Variants in TBC1D12 observed in about 807,000 individuals in gnomAD.
TBC1D12 encodes the protein TBC1 domain family member 12, also known as TBC1 domain family, member 12.
In TBC1D12, 56 loss-of-function variants were observed where a neutral mutation model predicts 86.7. The ratio of observed to expected loss-of-function variants is 0.65; its 90% CI spans 0.52 to 0.81. The LOEUF (loss-of-function observed/expected upper bound fraction) is 0.81, where lower values mean the gene tolerates loss of function less well. TBC1D12 is among the 30% of genes least tolerant of loss of function. The probability of loss-of-function intolerance (pLI) is 0.00; values close to 1 mark genes in which losing one functional copy is unlikely to be tolerated. For missense variants in TBC1D12, 1,023 were observed against 1,038.8 expected, an observed-to-expected ratio of 0.98 and a Z score of 0.21; for synonymous variants, 421 against 411.7, an observed-to-expected ratio of 1.02 and a Z score of -0.27.
chr10:94,440,306 C>A (rs2055361532), intron 1 of TBC1D12, among the ~76,000 whole-genome samples: 1 of 151,898 alleles, frequency 6.6e-6, no homozygotes, highest in African/African-American at 2.4e-5. Flanking sequence ...GTAGCAGGGA[C>A]TACAAGGTGT....
At chr10:94,470,447 C>T (rs1481280997) in intron 2 of TBC1D12, among the ~76,000 whole-genome samples, 1 of 152,100 alleles carries the variant, frequency 6.6e-6, no homozygotes, top group Non-Finnish European at 1.5e-5. Context: ...CCACTGCAGC[C>T]TCCACAACCT....
At chr10:94,427,251 G>A (rs2055159325) in intron 1 of TBC1D12, among the ~76,000 whole-genome samples, 1 of 151,946 alleles carries the variant, frequency 6.6e-6, no homozygotes, top group Admixed American at 6.6e-5. Context: ...TTACCTTCTG[G>A]TGACAAATAT....
chr10:94,459,847 C>T (rs572836320), intron 2 of TBC1D12, among the ~76,000 whole-genome samples: 2 of 152,292 alleles, frequency 1.3e-5, no homozygotes, highest in Admixed American at 1.3e-4. Context: ...CCGTGAGTGC[C>T]GCACGCAGCC....
chr10:94,464,810 A>G (rs1332134348), intron 2 of TBC1D12, among the ~76,000 whole-genome samples: 3 of 152,260 alleles, frequency 2.0e-5, no homozygotes, highest in Non-Finnish European at 4.4e-5. Context: ...TAACAAAAAC[A>G]ACATATTTGT....
intron 12 of TBC1D12, among the ~76,000 whole-genome samples, chr10:94,532,751 T>C (rs937952340): frequency 3.3e-5 from 5 of 152,164 alleles, no homozygotes; most frequent in African/African-American, 1.2e-4. Flanking sequence ...CCATGAATGA[T>C]ATAAACAATT....
At chr10:94,490,005 T>C (rs909229789) in intron 3 of TBC1D12, among the ~76,000 whole-genome samples, 14 of 152,190 alleles carry the variant, frequency 9.2e-5, no homozygotes, top group Admixed American at 2.0e-4. Flanking sequence ...CCCAGAACTT[T>C]GGGAGGCCGG....
intron 3 of TBC1D12, 82 bp downstream of exon 3, chr10:94,474,865 G>C (rs571067861): frequency 1.1e-5 from 14 of 1,242,828 alleles, no homozygotes; most frequent in Admixed American, 2.1e-5. Context: ...AAAAGATAGC[G>C]AGAAAGATAT....
chr10:94,521,888 CAATAA>C, intron 9 of TBC1D12, 62 bp from the exon 10 acceptor site: 1 of 1,356,656 alleles, frequency 7.4e-7, no homozygotes, highest in Non-Finnish European at 9.8e-7. Context: ...TTCAGGAGTA[CAATAA>C]AATAAACTAT....
At chr10:94,522,991 G>A (rs930077675) in intron 11 of TBC1D12, among the ~76,000 whole-genome samples, 1 of 143,280 alleles carries the variant, frequency 7.0e-6, no homozygotes, top group Non-Finnish European at 1.5e-5. Context: ...GTTGCAGTGA[G>A]CCAAGATTGC....
chr10:94,507,370 A>C, intron 7 of TBC1D12, 23 bp downstream of exon 7: 1 of 1,575,460 alleles, frequency 6.3e-7, no homozygotes, highest in Non-Finnish European at 8.6e-7. Context: ...TTTTTAAATA[A>C]GAATTTTAGG....
intron 2 of TBC1D12, among the ~76,000 whole-genome samples, chr10:94,444,044 G>A (rs1589619178): frequency 6.6e-6 from 1 of 151,994 alleles, no homozygotes; most frequent in African/African-American, 2.4e-5. Context: ...GGTGGTGCAT[G>A]CTTATAGTCC....
In TBC1D12 at chr10:94,474,843, G is replaced by T. The variant is rs1312915109; in HGVS notation, c.1211+60G>T. 5 of 1,445,334 alleles carry T rather than the reference G, an allele frequency of 3.5e-6. No homozygotes were observed. The African/African-American group carries it at 7.1e-5, about 21-fold the overall frequency. The allele number at this position is 1,445,334 out of a possible 1,614,324, so 89.5% of individuals were successfully genotyped here. A position where few individuals can be genotyped will look rare whatever the true frequency, so the allele number is the denominator to read the frequency against. On this transcript the variant is annotated intron_variant, in intron 3 of 12. Coordinates refer to ENST00000225235, the MANE Select transcript of TBC1D12 (RefSeq NM_015188.2). The stretch of plus-strand genomic sequence containing the variant: ...ATATTTTAAAGTTAAATTTAATTTT[G>T]TTCACTATTTTAAAAGATAGCGAGA...
At chr10:94,416,462 A>G (rs1209037840) in intron 1 of TBC1D12, among the ~76,000 whole-genome samples, 2 of 152,222 alleles carry the variant, frequency 1.3e-5, no homozygotes, top group Admixed American at 6.5e-5. Context: ...CCCTAGAGCC[A>G]CAAAATACAA....
chr10:94,481,285 TGACTTCTGTCTTGCTTAGAAA>T (rs2056074895), intron 3 of TBC1D12, among the ~76,000 whole-genome samples: 1 of 151,426 alleles, frequency 6.6e-6, no homozygotes, highest in African/African-American at 2.4e-5. Context: ...AAGCAGGCAT[TGACTTCTGTCTTGCTTAGAAA>T]ATACTAGATG....
intron 1 of TBC1D12, among the ~76,000 whole-genome samples, chr10:94,405,907 T>G (rs1000549636): frequency 2.0e-5 from 3 of 151,364 alleles, no homozygotes; most frequent in African/African-American, 7.3e-5. Context: ...CCCCCCTGGG[T>G]TCAAGTGATT....
intron 9 of TBC1D12, among the ~76,000 whole-genome samples, chr10:94,516,785 G>A (rs929988641): frequency 1.3e-5 from 2 of 151,976 alleles, no homozygotes; most frequent in Non-Finnish European, 2.9e-5. Flanking sequence ...TACTTGAGAT[G>A]CAAAAACATT....
chr10:94,446,592 G>C (rs2055465736), intron 2 of TBC1D12, among the ~76,000 whole-genome samples: 1 of 151,926 alleles, frequency 6.6e-6, no homozygotes, highest in South Asian at 2.1e-4. Flanking sequence ...GGCTCACTAT[G>C]TTGCCCAGGC....
chr10:94,414,087 G>A (rs1260843929), intron 1 of TBC1D12, among the ~76,000 whole-genome samples: 5 of 151,860 alleles, frequency 3.3e-5, no homozygotes, highest in Admixed American at 1.3e-4. Context: ...AACATAAAAT[G>A]TTCACATTAT....
At chr10:94,482,106 G>C (rs2056085845) in intron 3 of TBC1D12, among the ~76,000 whole-genome samples, 1 of 152,050 alleles carries the variant, frequency 6.6e-6, no homozygotes. Flanking sequence ...TATCACCCAG[G>C]AATTAAGCCC....
Sources: allele counts gnomAD v4.1 joint callset (sites outside exome capture counted in the v4.1 genomes callset), GRCh38; gene constraint gnomAD v4.1.1; transcripts MANE v1.5; gene names NCBI Gene and HGNC (gene_info 2026-07-23, HGNC 2026-07-21).